Variants in CDC42BPA observed in about 807,000 individuals in gnomAD.
The protein encoded by CDC42BPA is serine/threonine-protein kinase MRCK alpha.
A neutral mutation model predicts 223.5 loss-of-function variants in CDC42BPA; 80 were observed. That is an observed-to-expected ratio of 0.36 (90% CI 0.30 to 0.43). The LOEUF is 0.43. Among genes scored for constraint, CDC42BPA ranks in the 20% least tolerant of loss-of-function variants. The pLI, the probability that CDC42BPA is intolerant of heterozygous loss-of-function variation, is 1.00. For missense variants in CDC42BPA, 1,743 were observed against 2,099.9 expected (o/e 0.83, Z 3.32); for synonymous variants, 694 against 718.6 (o/e 0.97, Z 0.55).
intron 1 of CDC42BPA, among the ~76,000 whole-genome samples, chr1:227,259,104 C>A (rs1683603300): frequency 6.6e-6 from 1 of 150,940 alleles, no homozygotes; most frequent in African/African-American, 2.5e-5. Context: ...TCACTTGTGG[C>A]ACACACTTTC....
chr1:227,259,078 G>C (rs1399872244), intron 1 of CDC42BPA, among the ~76,000 whole-genome samples: 2 of 150,926 alleles, frequency 1.3e-5, no homozygotes, highest in Non-Finnish European at 2.9e-5. Flanking sequence ...CTTCAGTGCT[G>C]TATACTTAAA....
intron 4 of CDC42BPA, among the ~76,000 whole-genome samples, chr1:227,198,998 T>A (rs900120992): frequency 1.3e-5 from 2 of 152,232 alleles, no homozygotes; most frequent in Non-Finnish European, 2.9e-5. Context: ...TCCTCCCGCC[T>A]TGGCCTCCCA....
intron 2 of CDC42BPA, among the ~76,000 whole-genome samples, chr1:227,239,665 T>C (rs867127645): frequency 1.2e-4 from 19 of 152,126 alleles, no homozygotes; most frequent in Admixed American, 3.9e-4. Context: ...ATGATTTCAA[T>C]AGATACAGAA....
At chr1:227,112,489 C>A (rs1447776595) in intron 13 of CDC42BPA, 67 bp from the exon 14 acceptor site, 14 of 1,221,106 alleles carry the variant, frequency 1.1e-5, no homozygotes, top group South Asian at 1.6e-5. Flanking sequence ...ACATTTATCC[C>A]AATGAGAATT....
intron 8 of CDC42BPA, among the ~76,000 whole-genome samples, chr1:227,143,458 T>C (rs1000353997): frequency 6.6e-6 from 1 of 152,190 alleles, no homozygotes; most frequent in Non-Finnish European, 1.5e-5. Flanking sequence ...ATTTAAGCTC[T>C]CATATTATAA....
rs1414916980 is a variant in CDC42BPA at position 227,265,263 on chromosome 1, G to T, written c.179-11108C>A. On this transcript the variant is annotated intron_variant, in intron 1 of 36. Transcript: ENST00000366766. The stretch of plus-strand genomic sequence containing the variant: ...TTAGTTTGATTGCCGCTTAGTAGCT[G>T]TGAGACCTTGAGAAGTTATTTAGAC... 4 of 529,072 alleles carry T rather than the reference G, an allele frequency of 7.6e-6. No homozygotes were observed. In the African/African-American group the frequency reaches 7.6e-5, roughly 10 times the overall value. 32.8% of individuals were successfully genotyped at this position (529,072 alleles called of 1,614,324 possible).
At chr1:227,105,512 C>G (rs1394661158) in intron 14 of CDC42BPA, among the ~76,000 whole-genome samples, 1 of 151,780 alleles carries the variant, frequency 6.6e-6, no homozygotes, top group Non-Finnish European at 1.5e-5. Flanking sequence ...TACCACCATG[C>G]CCAGCTAATT....
At chr1:227,296,182 G>C (rs1428946048) in intron 1 of CDC42BPA, among the ~76,000 whole-genome samples, 1 of 152,138 alleles carries the variant, frequency 6.6e-6, no homozygotes, top group African/African-American at 2.4e-5. Flanking sequence ...CAATGGAATA[G>C]AACTGAGAGT....
chr1:227,030,622 ATCTC>A (rs1262612398), intron 28 of CDC42BPA, 152 bp from the exon 29 acceptor site: 11 of 526,916 alleles, frequency 2.1e-5, no homozygotes, highest in African/African-American at 6.0e-5. Context: ...ATACTGGTAA[ATCTC>A]TCATGTCTTC....
rs1451148279 is a variant in CDC42BPA at position 227,223,809 on chromosome 1, G to A, written c.271-10590C>T. Among the ~76,000 whole-genome samples the A allele has an allele frequency of 2.0e-5, 3 of 152,206 alleles. No individual in the cohort carries two copies. The East Asian group carries it at 5.8e-4, about 29-fold the overall frequency. On this transcript the variant is annotated intron_variant, in intron 2 of 36. Coordinates refer to ENST00000366766, the MANE Select transcript of CDC42BPA (RefSeq NM_001394014.1). Reference sequence around the variant, plus strand: ...ACATGAATTCAATAGAAAGCCATATGAGACTCTTTCAGGATGCTGGTCAGT... The same window carrying A: ...ACATGAATTCAATAGAAAGCCATATAAGACTCTTTCAGGATGCTGGTCAGT...
chr1:227,273,995 C>CAAAAAAAAAAAAAAAA (rs10599884), intron 1 of CDC42BPA, among the ~76,000 whole-genome samples: 5 of 57,004 alleles, frequency 8.8e-5, no homozygotes, highest in African/African-American at 1.9e-4. Context: ...TCGTATACAC[C>CAAAAAAAAAAAAAAAA]AAAAAAAAAA....
chr1:227,140,112 G>A (rs1264832554), intron 9 of CDC42BPA, among the ~76,000 whole-genome samples: 1 of 152,042 alleles, frequency 6.6e-6, no homozygotes, highest in African/African-American at 2.4e-5. Flanking sequence ...CACCAACCAC[G>A]GCCCTCTTTA....
At chr1:227,220,673 C>T (rs1005422093) in intron 2 of CDC42BPA, among the ~76,000 whole-genome samples, 1 of 134,256 alleles carries the variant, frequency 7.4e-6, no homozygotes, top group South Asian at 2.3e-4. Context: ...AATGTTTTTG[C>T]GCTTCATACC....
At chr1:227,062,023 T>C (rs147033127) in intron 21 of CDC42BPA, among the ~76,000 whole-genome samples, 245 of 152,326 alleles carry the variant, frequency 1.6e-3, no homozygotes, top group Admixed American at 4.6e-3. Flanking sequence ...CACCTTTCTC[T>C]TCTGTTAAAT....
chr1:227,224,087 C>T (rs1364402584), intron 2 of CDC42BPA, among the ~76,000 whole-genome samples: 1 of 152,094 alleles, frequency 6.6e-6, no homozygotes, highest in Non-Finnish European at 1.5e-5. Context: ...CATCTGTACT[C>T]TGCTTTTTTG....
intron 1 of CDC42BPA, among the ~76,000 whole-genome samples, chr1:227,277,366 G>A (rs189547550): frequency 6.6e-6 from 1 of 152,094 alleles, no homozygotes; most frequent in Non-Finnish European, 1.5e-5. Flanking sequence ...ATGTAGAAAT[G>A]GCACCATTAT....
chr1:227,040,331 T>C (rs1671122045), intron 23 of CDC42BPA, 95 bp from the exon 24 acceptor site: 4 of 703,754 alleles, frequency 5.7e-6, no homozygotes, highest in Non-Finnish European at 1.0e-5. Context: ...GAATGTTTTC[T>C]AAATAGGAAT....
At position 226,994,098 on chromosome 1, in the gene CDC42BPA, G is replaced by T; in HGVS notation, c.*170C>A. On this transcript the variant is annotated 3_prime_UTR_variant, in exon 37 of 37. Transcript: ENST00000366766. The surrounding 1 kb of genome is among the most constrained non-coding windows in gnomAD (Gnocchi z 4.0). ...GTCTTTGTTGTTGCTGTTAGGCTGG[G>T]GGCGTGGATCTGAGAGTCGTGTCGT... is the stretch of plus-strand genomic sequence containing the variant. 1.8e-6 allele frequency: 1 copy of T among 570,656 alleles called. No homozygotes were observed. The highest frequency in any genetic ancestry group is 2.1e-5 in the South Asian group (1 of 46,820). The allele number at this position is 570,656 out of a possible 1,614,324, so 35.3% of individuals were successfully genotyped here.
At chr1:227,280,232 A>G (rs1290912713) in intron 1 of CDC42BPA, among the ~76,000 whole-genome samples, 2 of 152,220 alleles carry the variant, frequency 1.3e-5, no homozygotes, top group Admixed American at 6.5e-5. Context: ...AAGAAGACGG[A>G]TAAGAATTTT....
Sources: allele counts gnomAD v4.1 joint callset (sites outside exome capture counted in the v4.1 genomes callset), GRCh38; gene constraint gnomAD v4.1.1; non-coding constraint Gnocchi (gnomAD v3.1); transcripts MANE v1.5; gene names NCBI Gene and HGNC (gene_info 2026-07-23, HGNC 2026-07-21).